FGF7: variants seen among roughly 807,000 people sequenced by gnomAD.
The protein encoded by FGF7 is FGF-7.
In FGF7, 6 loss-of-function variants were observed where a neutral mutation model predicts 20.5. That is an observed-to-expected ratio of 0.29 (90% CI 0.16 to 0.58). The LOEUF (loss-of-function observed/expected upper bound fraction) is 0.58, where lower values mean the gene tolerates loss of function less well. Among genes scored for constraint, FGF7 ranks in the 20% least tolerant of loss-of-function variants. The pLI, the probability that FGF7 is intolerant of heterozygous loss-of-function variation, is 0.90. For synonymous variants in FGF7, 64 were observed against 74.7 expected (o/e 0.86, Z 0.74); for missense variants, 144 against 228.8 (o/e 0.63, Z 2.39).
intron 2 of FGF7, among the ~76,000 whole-genome samples, chr15:49,458,864 A>AT (rs1315946980): frequency 6.6e-6 from 1 of 152,002 alleles, no homozygotes; most frequent in Non-Finnish European, 1.5e-5. Context: ...TATTTTGTCT[A>AT]TTTTTTCTAG....
Position 49,485,826 on chromosome 15 carries a change from C to T in FGF7, c.*1322C>T. The T allele has an allele frequency of 6.6e-6, 1 of 152,018 alleles. No individual in the cohort carries two copies. The highest frequency in any genetic ancestry group is 3.4e-3 in the Middle Eastern group (1 of 294). 9.4% of individuals were successfully genotyped at this position (152,018 alleles called of 1,614,324 possible). A position where few individuals can be genotyped will look rare whatever the true frequency, so the allele number is the denominator to read the frequency against. On this transcript the variant is annotated 3_prime_UTR_variant, in exon 4 of 4. Coordinates refer to ENST00000267843, the MANE Select transcript of FGF7 (RefSeq NM_002009.4). Reference sequence around the variant, plus strand: ...GGGTAGAAAATATCATATTTTAAAACTATGTATATTTAAATTTAGTAATTT... The same window carrying T: ...GGGTAGAAAATATCATATTTTAAAATTATGTATATTTAAATTTAGTAATTT...
At position 49,483,195 on chromosome 15, in the gene FGF7, A is replaced by C. The variant is rs1346027206; in HGVS notation, c.331A>C (p.Lys111Gln). The C allele has an allele frequency of 6.3e-7, 1 of 1,592,294 alleles. No homozygotes were observed. The highest frequency in any genetic ancestry group is 8.5e-7 in the Non-Finnish European group (1 of 1,176,090). The change falls in exon 3 of 4, where the codon AAA (lysine) becomes CAA (glutamine). Residue 111 changes from lysine to glutamine, a missense_variant. Physicochemically the swap from Lys to Gln is moderately conservative, Grantham distance 53 (BLOSUM62 1). This residue lies in a region of FGF7 where 56 missense variants were observed against 125.4 expected (regional missense o/e 0.45). Coordinates refer to ENST00000267843, the MANE Select transcript of FGF7 (RefSeq NM_002009.4). ...AGTGGCAGTTGGAATTGTGGCAATC[A>C]AAGGGGTGGAAAGTGAATTCTATCT... ...RTVAVGIVAI[K>Q]GVESEFYLAM...
chr15:49,475,709 C>T (rs545021138), intron 2 of FGF7, among the ~76,000 whole-genome samples: 13 of 152,150 alleles, frequency 8.5e-5, no homozygotes, highest in African/African-American at 2.2e-4. Context: ...ACAGCTGGGG[C>T]GGGCACGGTG....
At chr15:49,456,507 C>A (rs2053303517) in intron 2 of FGF7, among the ~76,000 whole-genome samples, 1 of 152,048 alleles carries the variant, frequency 6.6e-6, no homozygotes, top group African/African-American at 2.4e-5. Context: ...ATAAATTCAG[C>A]ATTTCTACTA....
chr15:49,425,074 G>C (rs886253548), intron 2 of FGF7: 4 of 152,022 alleles, frequency 2.6e-5, no homozygotes, highest in African/African-American at 9.7e-5. Flanking sequence ...GCATTCCTTT[G>C]CAATTGTGTA....
In FGF7 at chr15:49,460,676, T is replaced by C. The variant is rs991100330; in HGVS notation, c.287-22475T>C. Among the ~76,000 whole-genome samples, 39 of 152,126 alleles carry C rather than the reference T, an allele frequency of 2.6e-4. 2 individuals are homozygous for C. Among genetic ancestry groups the C allele is most frequent in the Middle Eastern group, 3.2e-3 (1 of 316 alleles). The stretch of plus-strand genomic sequence containing the variant: ...TGTATTCATTATAGTCTGAAAAAAA[T>C]AGGACTCTTGATACCAGTCATGTAT... On this transcript the variant is annotated intron_variant, in intron 2 of 3. Transcript: ENST00000267843.
intron 2 of FGF7, among the ~76,000 whole-genome samples, chr15:49,435,510 T>A (rs1169799974): frequency 6.6e-6 from 1 of 151,576 alleles, no homozygotes; most frequent in African/African-American, 2.4e-5. Flanking sequence ...TATGTCTTTG[T>A]TTTTGCAAAA....
chr15:49,475,144 G>C (rs34051297), intron 2 of FGF7, among the ~76,000 whole-genome samples: 1 of 152,082 alleles, frequency 6.6e-6, no homozygotes, highest in African/African-American at 2.4e-5. Flanking sequence ...CTGCACTCCG[G>C]TAGTGTATGA....
intron 2 of FGF7, among the ~76,000 whole-genome samples, chr15:49,428,892 G>T (rs946586186): frequency 2.6e-5 from 4 of 151,956 alleles, no homozygotes; most frequent in African/African-American, 9.7e-5. Flanking sequence ...GACTGTGATG[G>T]GATATGGCCT....
At chr15:49,466,718 G>A (rs2054297597) in intron 2 of FGF7, among the ~76,000 whole-genome samples, 1 of 152,080 alleles carries the variant, frequency 6.6e-6, no homozygotes, top group Non-Finnish European at 1.5e-5. Context: ...AGAAGAGAAC[G>A]GCTGGATATA....
chr15:49,426,842 C>G (rs2050173798), intron 2 of FGF7, among the ~76,000 whole-genome samples: 1 of 151,862 alleles, frequency 6.6e-6, no homozygotes, highest in Non-Finnish European at 1.5e-5. Flanking sequence ...TTTTAATAGG[C>G]TGTATATATG....
At chr15:49,459,843 A>T (rs1009545739) in intron 2 of FGF7, among the ~76,000 whole-genome samples, 1 of 151,978 alleles carries the variant, frequency 6.6e-6, no homozygotes, top group Admixed American at 6.6e-5. Context: ...TCCCAATACC[A>T]TGTTGGTATC....
chr15:49,453,673 A>G (rs925610291), intron 2 of FGF7, among the ~76,000 whole-genome samples: 1 of 152,152 alleles, frequency 6.6e-6, no homozygotes, highest in Admixed American at 6.6e-5. Context: ...CATGACTTCA[A>G]TTATGACCCA....
At chr15:49,451,784 TA>T (rs1168304982) in intron 2 of FGF7, among the ~76,000 whole-genome samples, 1 of 152,136 alleles carries the variant, frequency 6.6e-6, no homozygotes, top group Non-Finnish European at 1.5e-5. Context: ...AAGTAAGTTT[TA>T]AAAGTAATAC....
intron 2 of FGF7, among the ~76,000 whole-genome samples, chr15:49,456,280 G>A (rs1597318155): frequency 6.6e-6 from 1 of 151,958 alleles, no homozygotes; most frequent in Non-Finnish European, 1.5e-5. Flanking sequence ...GATCATAATA[G>A]AATGCTTTGT....
chr15:49,470,628 G>A (rs2054655344), intron 2 of FGF7, among the ~76,000 whole-genome samples: 1 of 152,092 alleles, frequency 6.6e-6, no homozygotes, highest in Non-Finnish European at 1.5e-5. Context: ...AACTTCTTTT[G>A]CTTTAGCCTC....
intron 2 of FGF7, among the ~76,000 whole-genome samples, chr15:49,434,034 T>C (rs1026162754): frequency 6.6e-6 from 1 of 151,698 alleles, no homozygotes; most frequent in Admixed American, 6.6e-5. Flanking sequence ...GGCATATGCA[T>C]AGGAAGAGAG....
intron 2 of FGF7, among the ~76,000 whole-genome samples, chr15:49,449,184 A>C (rs2052499655): frequency 6.6e-6 from 1 of 151,960 alleles, no homozygotes; most frequent in Non-Finnish European, 1.5e-5. Context: ...ACTAAGTCTA[A>C]GTTTTTCTTG....
chr15:49,479,580 T>A (rs1294120227), intron 2 of FGF7, among the ~76,000 whole-genome samples: 1 of 150,898 alleles, frequency 6.6e-6, no homozygotes, highest in Non-Finnish European at 1.5e-5. Flanking sequence ...GAGGGTAGGA[T>A]TTCATAGTTA....
Sources: gnomAD v4.1 joint callset for allele counts (sites outside exome capture counted in the v4.1 genomes callset) on GRCh38, gnomAD v4.1.1 for gene constraint, gnomAD v4.1.1 regional missense constraint, MANE v1.5 for transcripts, NCBI Gene and HGNC (gene_info 2026-07-23, HGNC 2026-07-21) for gene names.